The following RBMS3 variants were observed in gnomAD, a reference collection of about 807,000 sequenced individuals.
RBMS3 encodes RNA-binding motif, single-stranded-interacting protein 3.
A neutral mutation model predicts 66.8 loss-of-function variants in RBMS3; 27 were observed. The ratio of observed to expected loss-of-function variants is 0.40; its 90% CI spans 0.30 to 0.56. The LOEUF (loss-of-function observed/expected upper bound fraction) is 0.56. Ranked by LOEUF, RBMS3 falls within the 20% of genes least tolerant of loss-of-function variation. The pLI is 0.40. For synonymous variants in RBMS3, 188 were observed against 183.0 expected (o/e 1.03, Z -0.22); for missense variants, 513 against 549.5 (o/e 0.93, Z 0.66).
intron 4 of RBMS3, among the ~76,000 whole-genome samples, chr3:29,681,691 T>C (rs2051503864): frequency 1.3e-5 from 2 of 152,208 alleles, no homozygotes. Flanking sequence ...ATCTTCTTCC[T>C]TTTTATGGTT....
intron 1 of RBMS3, among the ~76,000 whole-genome samples, chr3:29,412,515 A>C (rs539731135): frequency 1.3e-5 from 2 of 152,300 alleles, no homozygotes; most frequent in South Asian, 4.1e-4. Flanking sequence ...TAAAACTAAT[A>C]ATATAATTGG....
At chr3:29,974,872 A>G (rs951818106) in intron 12 of RBMS3, among the ~76,000 whole-genome samples, 1 of 142,318 alleles carries the variant, frequency 7.0e-6, no homozygotes, top group African/African-American at 2.5e-5. Context: ...TTCTATATTT[A>G]TATATTTTAT....
chr3:29,643,469 C>T (rs1464309786), intron 4 of RBMS3, among the ~76,000 whole-genome samples: 2 of 152,002 alleles, frequency 1.3e-5, no homozygotes, highest in Admixed American at 6.6e-5. Flanking sequence ...CCTGCATTGC[C>T]GAGGGTGTCT....
intron 4 of RBMS3, among the ~76,000 whole-genome samples, chr3:29,627,975 T>C (rs961956793): frequency 6.6e-6 from 1 of 152,164 alleles, no homozygotes; most frequent in South Asian, 2.1e-4. Flanking sequence ...GAGGCCCAGC[T>C]TCTGCAAAAG....
At position 29,640,255 on chromosome 3, in the gene RBMS3, T is replaced by TACACAC. The variant is rs34719305; in HGVS notation, c.399+53075_399+53080dup. On this transcript the variant is annotated intron_variant, in intron 4 of 14. Transcript: ENST00000383767. ...GTAAACATTTTATTGACATTTTGGT[T>TACACAC]ACACACACACACACACACACACACA... Among the ~76,000 whole-genome samples the TACACAC allele has an allele frequency of 4.7e-3, 663 of 140,124 alleles. 7 individuals carry two copies. Among genetic ancestry groups the TACACAC allele is most frequent in the African/African-American group, 0.017 (625 of 37,152 alleles). 91.9% of individuals were successfully genotyped at this position (140,124 alleles called of 152,430 possible).
In RBMS3 at chr3:29,988,128, T is replaced by C. The variant is rs1698558078; in HGVS notation, c.1099-15T>C. ...AGCTCAAAGTTCACATGCATTTTTC[T>C]TTGATTCTCTCTAGTATATGACTGC... On this transcript the variant is annotated splice_polypyrimidine_tract_variant and intron_variant, in intron 12 of 14. Coordinates refer to ENST00000383767, the MANE Select transcript of RBMS3 (RefSeq NM_001003793.3). 1.3e-6 allele frequency: 2 copies of C among 1,598,264 alleles called. No individual in the cohort carries two copies. Among genetic ancestry groups the C allele is most frequent in the African/African-American group, 1.3e-5 (1 of 74,526 alleles).
intron 10 of RBMS3, among the ~76,000 whole-genome samples, chr3:29,900,458 T>G (rs1272705330): frequency 1.3e-5 from 2 of 151,810 alleles, no homozygotes; most frequent in African/African-American, 4.8e-5. Context: ...GTGAAAAGTA[T>G]GACGTATTAC....
intron 1 of RBMS3, among the ~76,000 whole-genome samples, chr3:29,387,928 G>A (rs2039085315): frequency 6.6e-6 from 1 of 152,024 alleles, no homozygotes; most frequent in African/African-American, 2.4e-5. Flanking sequence ...TTCTAACAGT[G>A]CTGGCCTCTT....
intron 5 of RBMS3, among the ~76,000 whole-genome samples, chr3:29,753,906 G>A (rs1018119897): frequency 6.6e-6 from 1 of 151,942 alleles, no homozygotes; most frequent in African/African-American, 2.4e-5. Flanking sequence ...TCTTTTCAGA[G>A]AGAAACTATT....
intron 4 of RBMS3, among the ~76,000 whole-genome samples, chr3:29,610,742 C>T (rs1448892794): frequency 6.6e-6 from 1 of 152,054 alleles, no homozygotes; most frequent in Non-Finnish European, 1.5e-5. Flanking sequence ...TCGCTGGTCT[C>T]ATTCTTGCTG....
intron 1 of RBMS3, among the ~76,000 whole-genome samples, chr3:29,378,011 C>A (rs1220174442): frequency 6.6e-6 from 1 of 152,114 alleles, no homozygotes. Context: ...AGCCCCAATT[C>A]CTCTTATTGA....
At chr3:29,716,806 G>C (rs2053418018) in intron 4 of RBMS3, among the ~76,000 whole-genome samples, 1 of 152,030 alleles carries the variant, frequency 6.6e-6, no homozygotes, top group Non-Finnish European at 1.5e-5. Context: ...TGGGTTTGTG[G>C]AAACTTAGTT....
chr3:29,590,257 C>A (rs2047681712), intron 4 of RBMS3, among the ~76,000 whole-genome samples: 1 of 151,992 alleles, frequency 6.6e-6, no homozygotes, highest in African/African-American at 2.4e-5. Context: ...ACTTAAATAT[C>A]TCTGAACTTC....
intron 9 of RBMS3, among the ~76,000 whole-genome samples, chr3:29,898,972 C>CA (rs1275254936): frequency 6.6e-6 from 1 of 151,532 alleles, no homozygotes; most frequent in Non-Finnish European, 1.5e-5. Context: ...TCTCACCTTT[C>CA]ACCAGGTTTT....
intron 10 of RBMS3, among the ~76,000 whole-genome samples, chr3:29,930,144 C>T (rs1485415301): frequency 3.1e-5 from 1 of 32,242 alleles, no homozygotes; most frequent in African/African-American, 6.6e-5. Flanking sequence ...TGGAGTCTCG[C>T]TCTGTCTCCC....
intron 6 of RBMS3, among the ~76,000 whole-genome samples, chr3:29,843,462 A>G (rs1576972060): frequency 2.0e-5 from 3 of 152,172 alleles, no homozygotes; most frequent in African/African-American, 4.8e-5. Flanking sequence ...ATTCATAGGT[A>G]TGTATTTAGC....
At chr3:29,548,705 T>C (rs1162955850) in intron 3 of RBMS3, among the ~76,000 whole-genome samples, 3 of 151,994 alleles carry the variant, frequency 2.0e-5, no homozygotes, top group Non-Finnish European at 4.4e-5. Context: ...GTATTAAAGC[T>C]TCAAGTCACC....
intron 6 of RBMS3, among the ~76,000 whole-genome samples, chr3:29,768,908 T>A (rs1188199424): frequency 6.6e-6 from 1 of 151,912 alleles, no homozygotes; most frequent in Non-Finnish European, 1.5e-5. Context: ...AACTACCTTG[T>A]CCCTTGCTCT....
rs1421332978 is a variant in RBMS3, at chr3:29,897,438, C to T, written c.851C>T (p.Thr284Met). The T allele has an allele frequency of 1.2e-5, 20 of 1,611,004 alleles. No individual in the cohort carries two copies. The East Asian group carries it at 1.8e-4, about 14-fold the overall frequency. ...TNRMIPQTSI[T>M]PFIAASPVST... ...CGCATGATTCCACAGACATCTATCA[C>T]GCCATTCATTGCTGCTTCCCCTGTC... The change falls in exon 9 of 15, where the codon ACG becomes ATG. Residue 284 changes from threonine (T) to methionine (M), a missense_variant. Transcript: ENST00000383767.
Sources: allele counts gnomAD v4.1 joint callset (sites outside exome capture counted in the v4.1 genomes callset), GRCh38; gene constraint gnomAD v4.1.1; transcripts MANE v1.5; gene names NCBI Gene and HGNC (gene_info 2026-07-23, HGNC 2026-07-21).